Variants in ATP9A observed in about 807,000 individuals in gnomAD.
ATP9A encodes the protein ATPase phospholipid transporting 9A, also known as probable phospholipid-transporting ATPase IIA.
Under a neutral mutation model 144.1 loss-of-function variants are expected in ATP9A, and 52 were observed. The ratio of observed to expected loss-of-function variants is 0.36; its 90% confidence interval spans 0.29 to 0.45. ATP9A has a LOEUF of 0.45. ATP9A is among the 20% of genes least tolerant of loss of function. The pLI is 1.00. For missense variants in ATP9A, 947 were observed against 1,392.7 expected, an observed-to-expected ratio of 0.68 and a Z score of 5.09; for synonymous variants, 582 against 557.4, an observed-to-expected ratio of 1.04 and a Z score of -0.62.
intron 1 of ATP9A, among the ~76,000 whole-genome samples, chr20:51,767,087 T>A (rs2077907730): frequency 8.2e-6 from 1 of 122,146 alleles, no homozygotes; most frequent in African/African-American, 3.0e-5. Context: ...TTTTTTTTTT[T>A]TTTAATTCCA....
chr20:51,725,969 G>T (rs367680951), intron 2 of ATP9A, 37 bp from the exon 3 acceptor site: 4 of 1,229,952 alleles, frequency 3.3e-6, no homozygotes, highest in Non-Finnish European at 4.8e-6. Context: ...AGACATTCAG[G>T]GCTTGTCTGA....
chr20:51,710,395 C>A (rs925459340), intron 4 of ATP9A, among the ~76,000 whole-genome samples: 3 of 152,156 alleles, frequency 2.0e-5, no homozygotes, highest in African/African-American at 7.2e-5. Context: ...TTGGAACTTA[C>A]TAAGTGAAGA....
chr20:51,642,743 A>AAAAAC (rs2077325800), intron 14 of ATP9A, among the ~76,000 whole-genome samples: 2 of 143,470 alleles, frequency 1.4e-5, no homozygotes, highest in Non-Finnish European at 3.0e-5. Flanking sequence ...AAAAAAAAAA[A>AAAAAC]AAAAAAAAAA....
At chr20:51,663,648 G>A (rs1164720805) in intron 13 of ATP9A, among the ~76,000 whole-genome samples, 1 of 151,982 alleles carries the variant, frequency 6.6e-6, no homozygotes, top group African/African-American at 2.4e-5. Flanking sequence ...CAAAAAATTA[G>A]CTGGGCATGG....
chr20:51,654,750 T>C (rs2077380401), intron 14 of ATP9A, among the ~76,000 whole-genome samples: 1 of 151,698 alleles, frequency 6.6e-6, no homozygotes, highest in African/African-American at 2.4e-5. Flanking sequence ...AAAAATAAAA[T>C]ACTCATTCAA....
At chr20:51,753,711 G>A (rs562294750) in intron 1 of ATP9A, among the ~76,000 whole-genome samples, 1 of 147,926 alleles carries the variant, frequency 6.8e-6, no homozygotes, top group Admixed American at 6.8e-5. Flanking sequence ...CTGTCACCCA[G>A]GCTAGAGAGC....
At chr20:51,689,956 C>T (rs2077539685) in intron 8 of ATP9A, among the ~76,000 whole-genome samples, 2 of 150,262 alleles carry the variant, frequency 1.3e-5, no homozygotes, top group South Asian at 4.2e-4. Flanking sequence ...ACTAAAAATA[C>T]AAAAAATTAG....
intron 3 of ATP9A, 105 bp from the exon 4 acceptor site, chr20:51,713,179 G>A: frequency 2.1e-6 from 2 of 947,938 alleles, no homozygotes; most frequent in Admixed American, 2.0e-5. Context: ...GGTCACTTGG[G>A]AGGGCAGGGG....
intron 22 of ATP9A, among the ~76,000 whole-genome samples, chr20:51,614,502 T>C (rs893064988): frequency 6.6e-6 from 1 of 151,922 alleles, no homozygotes; most frequent in African/African-American, 2.4e-5. Context: ...GGTTTCTCCA[T>C]GTTGCCGAGT....
chr20:51,723,139 G>C (rs1056844426), intron 3 of ATP9A, among the ~76,000 whole-genome samples: 2 of 152,140 alleles, frequency 1.3e-5, no homozygotes, highest in Non-Finnish European at 2.9e-5. Flanking sequence ...TCGAAGTGAA[G>C]TAACTCAGGA....
Position 51,674,302 on chromosome 20 carries a change from G to A in ATP9A, c.888C>T (p.Phe296=), listed in dbSNP as rs141987579. 2.3e-5 allele frequency: 37 copies of A among 1,613,076 alleles called. No individual in the cohort carries two copies. Among genetic ancestry groups the A allele is most frequent in the Admixed American group, 3.3e-5 (2 of 59,912 alleles). The change falls in exon 11 of 28, where the codon TTC becomes TTT. Residue 296 remains phenylalanine (F), a synonymous_variant. Coordinates refer to ENST00000338821, the MANE Select transcript of ATP9A (RefSeq NM_006045.3). ...TSNPRSKIGL[F]DLEVNCLTKI... Reference sequence around the variant, plus strand: ...TGGTGAGGCAGTTCACTTCCAAGTCGAACAGGCCGATCTGTGGGACGAAGC... The same window carrying A: ...TGGTGAGGCAGTTCACTTCCAAGTCAAACAGGCCGATCTGTGGGACGAAGC...
chr20:51,649,984 C>G (rs1485648438), intron 14 of ATP9A, among the ~76,000 whole-genome samples: 1 of 151,740 alleles, frequency 6.6e-6, no homozygotes, highest in Non-Finnish European at 1.5e-5. Flanking sequence ...AGCAATTGCA[C>G]TGCAGAAGCA....
Position 51,668,341 on chromosome 20 carries a change from G to C in ATP9A, c.1293+1656C>G, listed in dbSNP as rs147280861. ...GAGAGAATAGGTTTAGGAGATGAGG[G>C]AAGAAAGTCAGGAGGGGTCCCAGGT... is the stretch of plus-strand genomic sequence containing the variant. On this transcript the variant is annotated intron_variant, in intron 13 of 27. Transcript: ENST00000338821. Among the ~76,000 whole-genome samples, 131 of 151,804 alleles carry C rather than the reference G, an allele frequency of 8.6e-4. 4 individuals are homozygous for C. In the East Asian group the frequency reaches 0.024, roughly 28 times the overall value.
intron 19 of ATP9A, 129 bp from the exon 20 acceptor site, chr20:51,619,172 AC>A: frequency 1.4e-6 from 1 of 702,484 alleles, no homozygotes; most frequent in Non-Finnish European, 2.4e-6. Context: ...CTCCCCTGCC[AC>A]CAGAGGCAGC....
At chr20:51,764,512 G>T (rs1456975425) in intron 1 of ATP9A, among the ~76,000 whole-genome samples, 1 of 152,160 alleles carries the variant, frequency 6.6e-6, no homozygotes, top group African/African-American at 2.4e-5. Context: ...TTCGCTGAGT[G>T]ACCCCAGAAA....
intron 9 of ATP9A, among the ~76,000 whole-genome samples, chr20:51,686,467 T>C (rs973868147): frequency 7.9e-5 from 12 of 151,192 alleles, no homozygotes; most frequent in Non-Finnish European, 1.8e-4. Context: ...AACAAAAAAC[T>C]GCAAAAATAT....
chr20:51,671,297 T>C (rs374348081), intron 11 of ATP9A, 40 bp from the exon 12 acceptor site: 2 of 1,597,372 alleles, frequency 1.3e-6, no homozygotes, highest in Non-Finnish European at 1.7e-6. Flanking sequence ...ACAGGACAGA[T>C]GTAAGGCTCC....
chr20:51,748,474 T>C (rs1601143362), intron 1 of ATP9A, among the ~76,000 whole-genome samples: 1 of 152,222 alleles, frequency 6.6e-6, no homozygotes, highest in African/African-American at 2.4e-5. Flanking sequence ...AGACATTCTG[T>C]AAGCAAATAT....
chr20:51,650,352 G>T (rs1418401209), intron 14 of ATP9A, among the ~76,000 whole-genome samples: 1 of 152,034 alleles, frequency 6.6e-6, no homozygotes, highest in Non-Finnish European at 1.5e-5. Flanking sequence ...TGGCCAATAT[G>T]GTGAAACCCC....
Sources: gnomAD v4.1 joint callset for allele counts (sites outside exome capture counted in the v4.1 genomes callset) on GRCh38, gnomAD v4.1.1 for gene constraint, MANE v1.5 for transcripts, NCBI Gene and HGNC (gene_info 2026-07-23, HGNC 2026-07-21) for gene names.